The following HUNK variants were observed in gnomAD, a reference collection of about 807,000 sequenced individuals.
HUNK encodes hormonally up-regulated neu tumor-associated kinase.
In HUNK, 21 loss-of-function variants were observed where a neutral mutation model predicts 61.0. That is an observed-to-expected ratio of 0.34 (90% CI 0.24 to 0.50). HUNK has a LOEUF of 0.50. HUNK is among the 20% of genes least tolerant of loss of function. The probability of loss-of-function intolerance (pLI) is 0.98; values close to 1 mark genes in which losing one functional copy is unlikely to be tolerated. For synonymous variants in HUNK, 371 were observed against 386.1 expected (o/e 0.96, Z 0.46); for missense variants, 772 against 945.7 (o/e 0.82, Z 2.41).
rs532775196 is a variant in HUNK at position 31,998,666 on chromosome 21, G to A, written c.1627G>A (p.Gly543Arg). 41 of 1,614,120 alleles carry A rather than the reference G, an allele frequency of 2.5e-5. No homozygotes were observed. The highest frequency in any genetic ancestry group is 4.4e-5 in the South Asian group (4 of 91,068). ...ACCGGAGCCCCATCAGCCAGGGCCC[G>A]GAAGCACTGGCATCCCCCACAAGGA... Reference protein sequence around the residue: ...KKPEPHQPGPGSTGIPHKEDP... With the variant: ...KKPEPHQPGPRSTGIPHKEDP... Residue 543 changes from glycine to arginine, a missense_variant, in exon 11 of 11, where the codon GGA (glycine) becomes AGA (arginine). Transcript: ENST00000270112.
At chr21:31,910,660 T>A (rs2052539808) in intron 1 of HUNK, among the ~76,000 whole-genome samples, 1 of 152,084 alleles carries the variant, frequency 6.6e-6, no homozygotes, top group Non-Finnish European at 1.5e-5. Context: ...GACTAATTTT[T>A]GTATTTTTAA....
At chr21:31,948,652 A>G (rs1430177359) in intron 4 of HUNK, among the ~76,000 whole-genome samples, 1 of 152,010 alleles carries the variant, frequency 6.6e-6, no homozygotes, top group Non-Finnish European at 1.5e-5. Flanking sequence ...AAGGAAAGGA[A>G]GGACGGAGGG....
chr21:31,946,964 C>T (rs919418831), intron 4 of HUNK, among the ~76,000 whole-genome samples: 1 of 152,240 alleles, frequency 6.6e-6, no homozygotes, highest in African/African-American at 2.4e-5. Context: ...GGATGGCCTG[C>T]GGATTCCCAC....
intron 1 of HUNK, among the ~76,000 whole-genome samples, chr21:31,906,534 A>G (rs1394128095): frequency 1.3e-5 from 2 of 152,158 alleles, no homozygotes; most frequent in Non-Finnish European, 2.9e-5. Flanking sequence ...TCCCGGGCTC[A>G]GGCTCCTGCC....
Position 31,931,068 on chromosome 21 carries a change from CAAAAAA to C in HUNK, c.554+6326_554+6331del, listed in dbSNP as rs10673838. Among the ~76,000 whole-genome samples the C allele has an allele frequency of 9.3e-4, 70 of 75,158 alleles. 1 individual carries two copies. In the East Asian group the frequency reaches 0.015, roughly 16 times the overall value. The allele number at this position is 75,158 out of a possible 152,430, so 49.3% of individuals were successfully genotyped here. ...AGTGCTTTTGAAGATAAGACCTAAC[CAAAAAA>C]AAAAAAAAAAAAAAAAATCATGTTC... On this transcript the variant is annotated intron_variant, in intron 2 of 10. Coordinates refer to ENST00000270112, the MANE Select transcript of HUNK (RefSeq NM_014586.2).
rs183549751 is a variant in HUNK at position 31,922,592 on chromosome 21, G to A, written c.262-1876G>A. ...TTCACCCTCCTCGGCCTCCCAAAGT[G>A]TTGGGATTACAGGCACGAGCCACCA... On this transcript the variant is annotated intron_variant, in intron 1 of 10. Coordinates refer to ENST00000270112, the MANE Select transcript of HUNK (RefSeq NM_014586.2). 1.4e-3 allele frequency among the ~76,000 whole-genome samples: 210 copies of A among 152,280 alleles called. 1 individual carries two copies. Among genetic ancestry groups the A allele is most frequent in the African/African-American group, 4.7e-3 (197 of 41,550 alleles).
intron 8 of HUNK, among the ~76,000 whole-genome samples, chr21:31,984,833 G>C (rs73354661): frequency 6.6e-6 from 1 of 152,268 alleles, no homozygotes; most frequent in African/African-American, 2.4e-5. Flanking sequence ...GGACACCCAG[G>C]TCTATTAGTC....
At position 32,002,813 on chromosome 21, in the gene HUNK, G is replaced by A. The variant is rs2053255026; in HGVS notation, c.*3629G>A. 1 of 152,202 alleles carries A rather than the reference G, an allele frequency of 6.6e-6. No individual in the cohort carries two copies. Among genetic ancestry groups the A allele is most frequent in the Non-Finnish European group, 1.5e-5 (1 of 68,036 alleles). 9.4% of individuals were successfully genotyped at this position (152,202 alleles called of 1,614,324 possible). A position where few individuals can be genotyped will look rare whatever the true frequency, so the allele number is the denominator to read the frequency against. ...TGTTTCCCCTGGGAAGTGAGGGGAC[G>A]AAGCCTTAGAGGGTGACATAGCTAG... is the stretch of plus-strand genomic sequence containing the variant. On this transcript the variant is annotated 3_prime_UTR_variant, in exon 11 of 11. Coordinates refer to ENST00000270112, the MANE Select transcript of HUNK (RefSeq NM_014586.2).
chr21:31,911,684 T>C (rs934156141), intron 1 of HUNK, among the ~76,000 whole-genome samples: 1 of 151,678 alleles, frequency 6.6e-6, no homozygotes, highest in Non-Finnish European at 1.5e-5. Context: ...GGGAGAGAGA[T>C]GGGGTGCCTA....
chr21:31,918,633 G>T (rs981221179), intron 1 of HUNK, among the ~76,000 whole-genome samples: 3 of 152,212 alleles, frequency 2.0e-5, no homozygotes, highest in African/African-American at 4.8e-5. Flanking sequence ...TCCTGGGCTT[G>T]TGGCCATGTT....
At chr21:31,907,385 C>G (rs1311408182) in intron 1 of HUNK, among the ~76,000 whole-genome samples, 1 of 152,172 alleles carries the variant, frequency 6.6e-6, no homozygotes, top group East Asian at 1.9e-4. Context: ...CACCTGTGTC[C>G]TTTTACGTAC....
rs569329914 is a variant in HUNK at position 31,901,163 on chromosome 21, T to G, written c.262-23305T>G. 2.4e-4 allele frequency among the ~76,000 whole-genome samples: 37 copies of G among 152,286 alleles called. 1 individual carries two copies. The highest frequency in any genetic ancestry group is 4.4e-4 in the Non-Finnish European group (30 of 68,022). On this transcript the variant is annotated intron_variant, in intron 1 of 10. Coordinates refer to ENST00000270112, the MANE Select transcript of HUNK (RefSeq NM_014586.2). ...GCAATGACCTGATTTCCAAACAAGG[T>G]CACCTTCTGAGCTGCTGGGGGTTAG...
Position 31,946,087 on chromosome 21 carries a change from G to C in HUNK, c.662G>C (p.Ser221Thr). 4 of 1,613,542 alleles carry C rather than the reference G, an allele frequency of 2.5e-6. No individual in the cohort carries two copies. Among genetic ancestry groups the C allele is most frequent in the Non-Finnish European group, 3.4e-6 (4 of 1,179,482 alleles). The change falls in exon 4 of 11, where the codon AGC (serine) becomes ACC (threonine). Residue 221 changes from serine to threonine, a missense_variant. Ser to Thr is a moderately conservative substitution (Grantham distance 58). Around this residue, in one of 2 missense-constraint regions of HUNK, gnomAD observed 359 missense variants for 501.3 expected, o/e 0.72. Transcript: ENST00000270112. ...AGILGYSDPF[S>T]TQCGSPAYAA... ...ATCCTGGGTTACTCGGATCCGTTCA[G>C]CACACAGTGTGGCAGCCCTGCCTAC...
intron 7 of HUNK, among the ~76,000 whole-genome samples, chr21:31,983,240 G>A (rs766595130): frequency 6.6e-6 from 1 of 152,150 alleles, no homozygotes; most frequent in Non-Finnish European, 1.5e-5. Flanking sequence ...ACAGATAAAA[G>A]AACTGAGGCC....
intron 1 of HUNK, among the ~76,000 whole-genome samples, chr21:31,902,553 C>A (rs1322748702): frequency 2.6e-5 from 4 of 152,114 alleles, no homozygotes; most frequent in Non-Finnish European, 5.9e-5. Flanking sequence ...GTGGGAGTTA[C>A]ATGAAGCATG....
At chr21:31,961,232 T>G (rs1440109050) in intron 5 of HUNK, among the ~76,000 whole-genome samples, 2 of 108,426 alleles carry the variant, frequency 1.8e-5, no homozygotes, top group Non-Finnish European at 4.8e-5. Context: ...ATCTGAGCTG[T>G]TTTTTTTTTA....
At chr21:31,874,068 C>T (rs977888561) in intron 1 of HUNK, 133 bp downstream of exon 1, 1 of 654,972 alleles carries the variant, frequency 1.5e-6, no homozygotes, top group Non-Finnish European at 2.2e-6. Flanking sequence ...GCCCGGCTTT[C>T]CTGTTGGGTT....
chr21:31,878,258 CAAAAA>C (rs59741283), intron 1 of HUNK, among the ~76,000 whole-genome samples: 1 of 89,954 alleles, frequency 1.1e-5, no homozygotes, highest in Non-Finnish European at 2.1e-5. Context: ...GACTCCATCT[CAAAAA>C]AAAAAAAAAA....
chr21:31,912,040 G>A (rs368314839), intron 1 of HUNK, among the ~76,000 whole-genome samples: 3 of 152,156 alleles, frequency 2.0e-5, no homozygotes, highest in Admixed American at 6.5e-5. Flanking sequence ...GGCATTTGGC[G>A]TCAGTTGTAC....
Sources: gnomAD v4.1 joint callset for allele counts (sites outside exome capture counted in the v4.1 genomes callset) on GRCh38, gnomAD v4.1.1 for gene constraint, gnomAD v4.1.1 regional missense constraint, MANE v1.5 for transcripts, NCBI Gene and HGNC (gene_info 2026-07-23, HGNC 2026-07-21) for gene names.